Variants in VPS13B observed in about 807,000 individuals in gnomAD.
VPS13B encodes intermembrane lipid transfer protein VPS13B.
A neutral mutation model predicts 426.4 loss-of-function variants in VPS13B; 285 were observed. The ratio of observed to expected loss-of-function variants is 0.67; its 90% CI spans 0.61 to 0.74. The LOEUF (loss-of-function observed/expected upper bound fraction) is 0.74, where lower values mean the gene tolerates loss of function less well. VPS13B is among the 30% of genes least tolerant of loss of function. The probability of loss-of-function intolerance (pLI) is 0.00; values close to 1 mark genes in which losing one functional copy is unlikely to be tolerated. For synonymous variants in VPS13B, 1,676 were observed against 1,676.4 expected (o/e 1.00, Z 0.01); for missense variants, 4,537 against 4,782.6 (o/e 0.95, Z 1.51).
chr8:99,718,791 C>T (rs771004087), intron 37 of VPS13B, among the ~76,000 whole-genome samples: 1 of 151,730 alleles, frequency 6.6e-6, no homozygotes, highest in Non-Finnish European at 1.5e-5. Flanking sequence ...CTCAGCCTCC[C>T]GAGTACCCAG....
At chr8:99,595,457 A>G (rs1826961681) in intron 33 of VPS13B, among the ~76,000 whole-genome samples, 1 of 151,976 alleles carries the variant, frequency 6.6e-6, no homozygotes, top group Non-Finnish European at 1.5e-5. Flanking sequence ...CCTAAATCAT[A>G]TCATATGTAA....
At chr8:99,457,034 T>C (rs1236382201) in intron 23 of VPS13B, among the ~76,000 whole-genome samples, 10 of 151,844 alleles carry the variant, frequency 6.6e-5, no homozygotes, top group East Asian at 3.9e-4. Context: ...ATCTTTCTTT[T>C]TTTTTTTTTT....
intron 17 of VPS13B, among the ~76,000 whole-genome samples, chr8:99,222,992 A>G (rs1197719852): frequency 6.6e-6 from 1 of 152,040 alleles, no homozygotes; most frequent in African/African-American, 2.4e-5. Context: ...GCACACCACC[A>G]TGCCCAGCTA....
intron 35 of VPS13B, among the ~76,000 whole-genome samples, chr8:99,691,800 C>T (rs1187468818): frequency 1.4e-5 from 2 of 142,780 alleles, no homozygotes; most frequent in Non-Finnish European, 3.0e-5. Flanking sequence ...GGAAACCCAT[C>T]TCACATGCAG....
At chr8:99,423,951 T>C (rs945846264) in intron 21 of VPS13B, among the ~76,000 whole-genome samples, 1 of 152,252 alleles carries the variant, frequency 6.6e-6, no homozygotes, top group South Asian at 2.1e-4. Flanking sequence ...TGAGTTCAAT[T>C]CCTGGATAGC....
intron 3 of VPS13B, among the ~76,000 whole-genome samples, chr8:99,050,183 C>A (rs967393456): frequency 1.3e-5 from 2 of 151,910 alleles, no homozygotes; most frequent in Admixed American, 6.6e-5. Context: ...ATCGCTCCCC[C>A]CTCCCCCCAC....
intron 3 of VPS13B, chr8:99,094,136 C>A (rs1846309554): frequency 6.6e-6 from 1 of 152,124 alleles, no homozygotes; most frequent in Non-Finnish European, 1.5e-5. Flanking sequence ...AATCTATATA[C>A]AGTATGTGAT....
chr8:99,531,378 A>G (rs1314738048), intron 30 of VPS13B, among the ~76,000 whole-genome samples: 1 of 152,190 alleles, frequency 6.6e-6, no homozygotes, highest in Non-Finnish European at 1.5e-5. Context: ...TAGATGTTGT[A>G]TCTGATTAAC....
chr8:99,794,207 G>T (rs1007665907), intron 43 of VPS13B, among the ~76,000 whole-genome samples: 1 of 152,132 alleles, frequency 6.6e-6, no homozygotes, highest in Non-Finnish European at 1.5e-5. Context: ...AAGCAAATTC[G>T]ATGTAAGAGG....
At chr8:99,254,161 T>C (rs1180613448) in intron 17 of VPS13B, among the ~76,000 whole-genome samples, 1 of 152,180 alleles carries the variant, frequency 6.6e-6, no homozygotes, top group Non-Finnish European at 1.5e-5. Context: ...ATCCCAAAAA[T>C]CCTTATTTTA....
rs954860162 is a variant in VPS13B at position 99,869,236 on chromosome 8, C to A, written c.11392+771C>A. Among the ~76,000 whole-genome samples the A allele has an allele frequency of 1.1e-4, 17 of 152,228 alleles. No individual in the cohort carries two copies. The highest frequency in any genetic ancestry group is 2.4e-4 in the Non-Finnish European group (16 of 68,040). ...GAAGCAGGTTGTCTAGCTAGTATCA[C>A]AAACGACAGAAGCGCCCTCCCGTTT... On this transcript the variant is annotated intron_variant, in intron 59 of 61. Transcript: ENST00000357162.
chr8:99,437,523 G>A (rs1361111664), intron 22 of VPS13B, among the ~76,000 whole-genome samples: 1 of 151,886 alleles, frequency 6.6e-6, no homozygotes, highest in Non-Finnish European at 1.5e-5. Context: ...TTCAAGACCA[G>A]CATGGCTAAC....
chr8:99,229,153 C>G (rs573233281), intron 17 of VPS13B, among the ~76,000 whole-genome samples: 3 of 152,192 alleles, frequency 2.0e-5, no homozygotes, highest in South Asian at 2.1e-4. Flanking sequence ...AAAAAAGGGT[C>G]GGGAACAAGA....
intron 3 of VPS13B, among the ~76,000 whole-genome samples, chr8:99,045,255 G>A (rs1028377076): frequency 1.3e-5 from 2 of 152,184 alleles, no homozygotes; most frequent in Non-Finnish European, 2.9e-5. Flanking sequence ...TCTTGCAGGA[G>A]TAAGTTGGTA....
At chr8:99,873,151 A>G (rs1817517635) in intron 61 of VPS13B, 1 of 152,232 alleles carries the variant, frequency 6.6e-6, no homozygotes, top group Admixed American at 6.5e-5. Context: ...CCCTGTGACC[A>G]TCATGATTCC....
chr8:99,227,366 T>C (rs961570392), intron 17 of VPS13B, among the ~76,000 whole-genome samples: 1 of 152,190 alleles, frequency 6.6e-6, no homozygotes, highest in African/African-American at 2.4e-5. Context: ...ATTGTACTCA[T>C]TGGAGCTGCC....
At chr8:99,156,144 G>C (rs11997104) in intron 14 of VPS13B, among the ~76,000 whole-genome samples, 11,357 of 152,154 alleles carry the variant, frequency 0.075, 649 homozygotes, top group African/African-American at 0.16. Context: ...AGTCCATTTA[G>C]TTCTTTAGTC....
At chr8:99,430,706 C>T (rs71516836) in intron 21 of VPS13B, among the ~76,000 whole-genome samples, 5,733 of 151,070 alleles carry the variant, frequency 0.038, 177 homozygotes, top group Non-Finnish European at 0.062. Context: ...AAATCCACCC[C>T]CCCCCCAACT....
chr8:99,367,211 T>G (rs1247979391), intron 19 of VPS13B, among the ~76,000 whole-genome samples: 2 of 152,218 alleles, frequency 1.3e-5, no homozygotes, highest in Non-Finnish European at 2.9e-5. Flanking sequence ...TCTCAGATTT[T>G]GTTTGTTTGG....
Sources: allele counts gnomAD v4.1 joint callset (sites outside exome capture counted in the v4.1 genomes callset), GRCh38; gene constraint gnomAD v4.1.1; transcripts MANE v1.5; gene names NCBI Gene and HGNC (gene_info 2026-07-23, HGNC 2026-07-21).